Variants in KLF15 observed in about 807,000 individuals in gnomAD.
KLF15 encodes the protein KLF transcription factor 15.
KLF15 carries 4 observed loss-of-function variants against 24.6 expected under a neutral mutation model. The observed-to-expected ratio is 0.16, with a 90% CI of 0.08 to 0.37. The LOEUF is 0.37. Among genes scored for constraint, KLF15 ranks in the 10% least tolerant of loss-of-function variants. The pLI is 1.00. For synonymous variants in KLF15, 246 were observed against 236.3 expected, an observed-to-expected ratio of 1.04 and a Z score of -0.37; for missense variants, 496 against 560.6, an observed-to-expected ratio of 0.88 and a Z score of 1.16.
chr3:126,318,319 C>T, the KLF15 span, among the ~76,000 whole-genome samples: 3 of 152,172 alleles, frequency 2.0e-5, no homozygotes, highest in African/African-American at 7.2e-5. Flanking sequence ...TCCCCTCATT[C>T]CCTTCCATAT....
chr3:126,344,713 G>A (rs1383709503), intron 2 of KLF15, among the ~76,000 whole-genome samples: 2 of 152,150 alleles, frequency 1.3e-5, no homozygotes, highest in African/African-American at 2.4e-5. Flanking sequence ...CAGGGAGAGA[G>A]GTCCTCAGAC....
At chr3:126,305,474 T>G in the KLF15 span, among the ~76,000 whole-genome samples, 2 of 152,228 alleles carry the variant, frequency 1.3e-5, no homozygotes. Flanking sequence ...CACATCCATG[T>G]TCAAAGGAAA....
At chr3:126,327,108 A>T in the KLF15 span, among the ~76,000 whole-genome samples, 1 of 152,196 alleles carries the variant, frequency 6.6e-6, no homozygotes, top group African/African-American at 2.4e-5. Flanking sequence ...GTCCTAGGAC[A>T]TCGTTCAGGA....
At chr3:126,331,658 C>A in the KLF15 span, among the ~76,000 whole-genome samples, 5 of 152,304 alleles carry the variant, frequency 3.3e-5, no homozygotes, top group African/African-American at 1.2e-4. Context: ...CAGCTCCCAG[C>A]GTGAGCGACG....
chr3:126,317,298 C>G, the KLF15 span, among the ~76,000 whole-genome samples: 3 of 152,160 alleles, frequency 2.0e-5, no homozygotes, highest in African/African-American at 4.8e-5. Context: ...GCCTCACACC[C>G]CAGAATGTCA....
At chr3:126,320,164 CA>C in the KLF15 span, among the ~76,000 whole-genome samples, 1 of 152,158 alleles carries the variant, frequency 6.6e-6, no homozygotes, top group Non-Finnish European at 1.5e-5. Context: ...AAGACTCTGA[CA>C]AACTGGAGAT....
At chr3:126,326,488 T>C in the KLF15 span, among the ~76,000 whole-genome samples, 1 of 152,192 alleles carries the variant, frequency 6.6e-6, no homozygotes, top group South Asian at 2.1e-4. Context: ...GAAAATAAAT[T>C]GTGGTGCCCA....
At chr3:126,296,174 C>A in the KLF15 span, among the ~76,000 whole-genome samples, 1 of 152,152 alleles carries the variant, frequency 6.6e-6, no homozygotes, top group African/African-American at 2.4e-5. Flanking sequence ...TGTTTCTCAG[C>A]CTCAGGGGGG....
intron 2 of KLF15, 117 bp from the exon 3 acceptor site, chr3:126,344,012 G>A: frequency 5.9e-6 from 6 of 1,009,252 alleles, no homozygotes; most frequent in Admixed American, 6.5e-5. Context: ...GGGTGGCTGC[G>A]CAGACCTGCA....
chr3:126,294,088 T>C, the KLF15 span: 1 of 152,232 alleles, frequency 6.6e-6, no homozygotes, highest in African/African-American at 2.4e-5. Context: ...TCCGCCTAGG[T>C]CTGCCTGACG....
chr3:126,319,842 G>T, the KLF15 span, among the ~76,000 whole-genome samples: 2 of 152,298 alleles, frequency 1.3e-5, no homozygotes, highest in Non-Finnish European at 1.5e-5. Context: ...CACTGGCTCG[G>T]GGTGGGGTGC....
At chr3:126,288,854 C>G in the KLF15 span, 1 of 152,202 alleles carries the variant, frequency 6.6e-6, no homozygotes, top group African/African-American at 2.4e-5. Flanking sequence ...TTTTTTTCTG[C>G]TTACAAAATC....
At chr3:126,317,715 G>T in the KLF15 span, among the ~76,000 whole-genome samples, 2 of 152,114 alleles carry the variant, frequency 1.3e-5, no homozygotes, top group African/African-American at 4.8e-5. Context: ...CAAGTCAATG[G>T]TCAAACCACA....
the KLF15 span, among the ~76,000 whole-genome samples, chr3:126,332,575 G>C: frequency 4.8e-4 from 38 of 79,474 alleles, 6 homozygotes; most frequent in Middle Eastern, 4.7e-3. Context: ...GATGGAGAAT[G>C]ACTTTGACGA....
intron 2 of KLF15, among the ~76,000 whole-genome samples, chr3:126,349,695 TAG>T (rs965030703): frequency 6.6e-6 from 1 of 152,132 alleles, no homozygotes; most frequent in Non-Finnish European, 1.5e-5. Flanking sequence ...TCACGGCATC[TAG>T]AGGAGCTACT....
intron 2 of KLF15, among the ~76,000 whole-genome samples, chr3:126,347,568 T>C (rs1034391300): frequency 6.6e-6 from 1 of 152,192 alleles, no homozygotes; most frequent in African/African-American, 2.4e-5. Flanking sequence ...AAGGGATTCT[T>C]TCTGGATGGA....
chr3:126,289,429 TA>T, the KLF15 span, among the ~76,000 whole-genome samples: 2 of 152,230 alleles, frequency 1.3e-5, no homozygotes, highest in Non-Finnish European at 2.9e-5. Flanking sequence ...TGCCAATGGT[TA>T]ATATCTGTGT....
At chr3:126,332,503 AC>A in the KLF15 span, among the ~76,000 whole-genome samples, 2 of 97,232 alleles carry the variant, frequency 2.1e-5, 1 homozygote, top group East Asian at 5.6e-4. Flanking sequence ...AAACTCTAAA[AC>A]GTAGAGTGCC....
the KLF15 span, among the ~76,000 whole-genome samples, chr3:126,299,938 G>T: frequency 1.3e-5 from 2 of 152,016 alleles, no homozygotes; most frequent in Admixed American, 6.5e-5. Context: ...GAAGTCTGTT[G>T]TTTGAGCCCC....
Sources: gnomAD v4.1 joint callset for allele counts (sites outside exome capture counted in the v4.1 genomes callset) on GRCh38, gnomAD v4.1.1 for gene constraint, MANE v1.5 for transcripts, NCBI Gene and HGNC (gene_info 2026-07-23, HGNC 2026-07-21) for gene names.